Variants in CTNND2 observed in about 807,000 individuals in gnomAD.
The protein encoded by CTNND2 is catenin delta-2.
A neutral mutation model predicts 144.4 loss-of-function variants in CTNND2; 22 were observed. The observed-to-expected ratio is 0.15, with a 90% CI of 0.11 to 0.22. CTNND2 has a LOEUF of 0.22. Among genes scored for constraint, CTNND2 ranks in the 10% least tolerant of loss-of-function variants. The pLI, the probability that CTNND2 is intolerant of heterozygous loss-of-function variation, is 1.00. For synonymous variants in CTNND2, 751 were observed against 695.6 expected (o/e 1.08, Z -1.25); for missense variants, 1,353 against 1,618.8 (o/e 0.84, Z 2.82).
chr5:11,684,740 T>G (rs972351049), intron 2 of CTNND2, among the ~76,000 whole-genome samples: 2 of 152,214 alleles, frequency 1.3e-5, no homozygotes, highest in Non-Finnish European at 2.9e-5. Context: ...TGGTGATTGT[T>G]CCTATAGTTG....
chr5:11,162,080 T>TGG (rs149067296), intron 11 of CTNND2, among the ~76,000 whole-genome samples: 75 of 147,112 alleles, frequency 5.1e-4, no homozygotes, highest in African/African-American at 1.7e-3. Context: ...AACCTGGGAG[T>TGG]GGGGGGGGGT....
At chr5:11,724,927 TTATTGA>T (rs1786923275) in intron 2 of CTNND2, among the ~76,000 whole-genome samples, 1 of 150,752 alleles carries the variant, frequency 6.6e-6, no homozygotes, top group South Asian at 2.1e-4. Context: ...TTTTTTTGCC[TTATTGA>T]TATTGAGTTG....
rs145780878 is a variant in CTNND2 at position 11,862,111 on chromosome 5, T to C, written c.37+41706A>G. 2.0e-5 allele frequency among the ~76,000 whole-genome samples: 3 copies of C among 152,310 alleles called. No individual in the cohort carries two copies. In the East Asian group the frequency reaches 5.8e-4, roughly 29 times the overall value. ...GGGTGAAATGGAATTAAATGGGAAA[T>C]AGAAATTAAGACTTCTTTCAACTAC... is the stretch of plus-strand genomic sequence containing the variant. On this transcript the variant is annotated intron_variant, in intron 1 of 21. Transcript: ENST00000304623.
chr5:11,684,637 C>A (rs1248792872), intron 2 of CTNND2, among the ~76,000 whole-genome samples: 1 of 152,068 alleles, frequency 6.6e-6, no homozygotes, highest in Admixed American at 6.6e-5. Context: ...ATGTACTGTG[C>A]CTCCCACCTT....
chr5:11,350,247 C>T (rs32121), intron 8 of CTNND2, among the ~76,000 whole-genome samples: 109,316 of 152,086 alleles, frequency 0.72, 39,755 homozygotes, highest in Middle Eastern at 0.82. Context: ...TATTACGAGT[C>T]GGTATGTTAA....
intron 15 of CTNND2, among the ~76,000 whole-genome samples, chr5:11,084,419 G>A (rs759765940): frequency 2.0e-5 from 3 of 152,198 alleles, no homozygotes; most frequent in East Asian, 1.9e-4. Flanking sequence ...GCTTGGAAAA[G>A]CCTGGAAATC....
chr5:11,663,093 G>C (rs911076330), intron 2 of CTNND2, among the ~76,000 whole-genome samples: 1 of 152,086 alleles, frequency 6.6e-6, no homozygotes, highest in African/African-American at 2.4e-5. Flanking sequence ...CTCTAGTCAG[G>C]GTCTAAGGAA....
chr5:11,263,445 A>C (rs1205185879), intron 9 of CTNND2, among the ~76,000 whole-genome samples: 1 of 152,158 alleles, frequency 6.6e-6, no homozygotes, highest in Non-Finnish European at 1.5e-5. Flanking sequence ...ATGAAATGAT[A>C]GTCAATAAAA....
intron 1 of CTNND2, among the ~76,000 whole-genome samples, chr5:11,816,079 A>C (rs983052340): frequency 2.6e-5 from 4 of 152,174 alleles, no homozygotes; most frequent in Non-Finnish European, 5.9e-5. Context: ...AGAGCCTGGC[A>C]AGAGGCCCTG....
At chr5:11,028,449 C>T (rs922990074) in intron 16 of CTNND2, among the ~76,000 whole-genome samples, 5 of 152,098 alleles carry the variant, frequency 3.3e-5, no homozygotes, top group South Asian at 2.1e-4. Context: ...TATGTAGACT[C>T]ATATCATTCT....
At chr5:11,283,329 T>C (rs1747355431) in intron 9 of CTNND2, among the ~76,000 whole-genome samples, 1 of 152,008 alleles carries the variant, frequency 6.6e-6, no homozygotes, top group South Asian at 2.1e-4. Context: ...AGTGTCATGA[T>C]ACCAAAGAGA....
chr5:11,457,986 A>T (rs1000671739), intron 3 of CTNND2, among the ~76,000 whole-genome samples: 4 of 152,224 alleles, frequency 2.6e-5, no homozygotes, highest in Admixed American at 2.6e-4. Context: ...GCTCAGTTCC[A>T]GCTCTGCCAC....
intron 9 of CTNND2, among the ~76,000 whole-genome samples, chr5:11,304,185 T>C (rs1408790193): frequency 6.6e-6 from 1 of 152,202 alleles, no homozygotes; most frequent in Non-Finnish European, 1.5e-5. Context: ...AACAGACTAA[T>C]ACAAATGCTA....
At position 11,364,978 on chromosome 5, in the gene CTNND2, AC is replaced by A. The variant is rs990219838; in HGVS notation, c.1178-89del. 20 of 1,164,798 alleles carry A rather than the reference AC, an allele frequency of 1.7e-5. 1 individual carries two copies. In the Admixed American group the frequency reaches 2.1e-4, roughly 12 times the overall value. 72.2% of individuals were successfully genotyped at this position (1,164,798 alleles called of 1,614,324 possible). ...CAAAGACATATTCAAATTTTTTTGGACAAAATTGTTGAAATTCCCAGGAAAC... is the reference window on the plus strand; with the variant it reads ...CAAAGACATATTCAAATTTTTTTGGAAAAATTGTTGAAATTCCCAGGAAAC... On this transcript the variant is annotated intron_variant, in intron 7 of 21. Transcript: ENST00000304623.
At chr5:11,590,512 C>T (rs890209860) in intron 2 of CTNND2, among the ~76,000 whole-genome samples, 2 of 152,106 alleles carry the variant, frequency 1.3e-5, no homozygotes, top group Non-Finnish European at 2.9e-5. Context: ...TCATGACATC[C>T]CCCTGCCCTT....
chr5:10,989,632 C>G (rs1738437260), intron 19 of CTNND2, among the ~76,000 whole-genome samples: 1 of 152,166 alleles, frequency 6.6e-6, no homozygotes, highest in Non-Finnish European at 1.5e-5. Context: ...TGTGGTCCCC[C>G]AAGGCACCTC....
rs925425987 is a variant in CTNND2 at position 11,150,749 on chromosome 5, C to T, written c.2159+8827G>A. 5.3e-5 allele frequency among the ~76,000 whole-genome samples: 8 copies of T among 150,816 alleles called. No homozygotes were observed. The South Asian group carries it at 1.7e-3, about 32-fold the overall frequency. On this transcript the variant is annotated intron_variant, in intron 12 of 21. Transcript: ENST00000304623. The stretch of plus-strand genomic sequence containing the variant: ...TCAAGCAATTCTCCTGCCTCAGACT[C>T]CTGAGTAGCTGGGATTACAGGTGCC...
At chr5:11,795,825 C>A (rs1791371286) in intron 1 of CTNND2, among the ~76,000 whole-genome samples, 1 of 152,224 alleles carries the variant, frequency 6.6e-6, no homozygotes, top group Non-Finnish European at 1.5e-5. Context: ...AAGGTTACCA[C>A]AGACTTAGTA....
chr5:11,335,221 T>A (rs546702530), intron 9 of CTNND2, among the ~76,000 whole-genome samples: 23 of 152,146 alleles, frequency 1.5e-4, no homozygotes, highest in Non-Finnish European at 2.9e-4. Context: ...TTAAAATATA[T>A]TTTTTACTAT....
Sources: gnomAD v4.1 joint callset for allele counts (sites outside exome capture counted in the v4.1 genomes callset) on GRCh38, gnomAD v4.1.1 for gene constraint, MANE v1.5 for transcripts, NCBI Gene and HGNC (gene_info 2026-07-23, HGNC 2026-07-21) for gene names.